Variants in STRA6 observed in about 807,000 individuals in gnomAD.
STRA6 encodes signaling receptor and transporter of retinol STRA6.
A neutral mutation model predicts 83.6 loss-of-function variants in STRA6; 48 were observed. That is an observed-to-expected ratio of 0.57 (90% CI 0.46 to 0.73). The LOEUF is 0.73. Among genes scored for constraint, STRA6 ranks in the 30% least tolerant of loss-of-function variants. STRA6 has a pLI of 0.00. For missense variants in STRA6, 760 were observed against 838.8 expected (o/e 0.91, Z 1.16); for synonymous variants, 353 against 362.3 (o/e 0.97, Z 0.29).
chr15:74,189,526 C>T (rs919823502), intron 11 of STRA6, among the ~76,000 whole-genome samples: 3 of 152,166 alleles, frequency 2.0e-5, no homozygotes, highest in Non-Finnish European at 2.9e-5. Context: ...GTCAGCCCTG[C>T]GTATCTGTGG....
At chr15:74,209,961 A>G (rs2074345409), upstream of STRA6, among the ~76,000 whole-genome samples, 2 of 152,184 alleles carry the variant, frequency 1.3e-5, no homozygotes, top group South Asian at 4.1e-4. Context: ...AGGCTTTTGT[A>G]TGTGAGATTG....
chr15:74,187,225 C>T (rs2073298664), intron 12 of STRA6, among the ~76,000 whole-genome samples: 2 of 152,238 alleles, frequency 1.3e-5, no homozygotes, highest in South Asian at 4.1e-4. Context: ...ATCCATCTAC[C>T]TCCTACCTCT....
At chr15:74,189,019 GC>G in intron 12 of STRA6, 95 bp downstream of exon 12, 2 of 1,439,858 alleles carry the variant, frequency 1.4e-6, no homozygotes, top group Non-Finnish European at 9.6e-7. Context: ...GTGTCCAAGG[GC>G]CCCCAGTGTG....
intron 4 of STRA6, among the ~76,000 whole-genome samples, chr15:74,196,820 T>C (rs566741581): frequency 6.6e-6 from 1 of 152,294 alleles, no homozygotes; most frequent in South Asian, 2.1e-4. Flanking sequence ...CCCAACCCTT[T>C]GGTCTCTCGC....
intron 1 of STRA6, 188 bp downstream of exon 1, chr15:74,202,523 ACT>A: frequency 3.3e-6 from 5 of 1,523,622 alleles, no homozygotes; most frequent in Non-Finnish European, 4.4e-6. Flanking sequence ...CGCCCATCGC[ACT>A]GGTCCTGCAG....
chr15:74,190,785 G>A, intron 11 of STRA6, 55 bp downstream of exon 11: 1 of 1,613,006 alleles, frequency 6.2e-7, no homozygotes, highest in Non-Finnish European at 8.5e-7. Context: ...CTCCAGGCTT[G>A]GGGGTTGAGG....
At position 74,197,641 on chromosome 15, in the gene STRA6, C is replaced by G. The variant is rs571848789; in HGVS notation, c.180+111G>C. The stretch of plus-strand genomic sequence containing the variant: ...TGGGAGAACTCCCAGATAGCTCCCC[C>G]CACCCAGGATCTTCCAGGGCCCCCC... On this transcript the variant is annotated intron_variant, in intron 3 of 18. Transcript: ENST00000395105. 14 of 1,424,180 alleles carry G rather than the reference C, an allele frequency of 9.8e-6. No homozygotes were observed. In the South Asian group the frequency reaches 1.6e-4, roughly 16 times the overall value. The allele number at this position is 1,424,180 out of a possible 1,614,324, so 88.2% of individuals were successfully genotyped here.
At chr15:74,185,882 C>G (rs1211862972) in intron 12 of STRA6, among the ~76,000 whole-genome samples, 4 of 152,256 alleles carry the variant, frequency 2.6e-5, no homozygotes, top group African/African-American at 9.6e-5. Flanking sequence ...CATTTCTAAG[C>G]AGATCCAGAA....
chr15:74,196,571 C>A (rs1021885908), intron 4 of STRA6, among the ~76,000 whole-genome samples: 15 of 152,226 alleles, frequency 9.9e-5, no homozygotes, highest in African/African-American at 3.4e-4. Context: ...CCAGGCATCA[C>A]CCTTCTGGGC....
upstream of STRA6, among the ~76,000 whole-genome samples, chr15:74,203,430 C>A (rs1465882488): frequency 1.3e-5 from 2 of 152,180 alleles, no homozygotes; most frequent in Admixed American, 1.3e-4. Flanking sequence ...CTGCCCCAGC[C>A]TGGAGGAAGG....
chr15:74,194,026 C>A (rs755105165), intron 7 of STRA6, 104 bp from the exon 8 acceptor site: 17 of 1,558,386 alleles, frequency 1.1e-5, no homozygotes, highest in Non-Finnish European at 1.4e-5. Flanking sequence ...TGAGGGTGGT[C>A]TGGGGGGCCA....
chr15:74,180,367 C>T, intron 18 of STRA6, 124 bp from the exon 19 acceptor site: 4 of 1,231,370 alleles, frequency 3.2e-6, no homozygotes, highest in East Asian at 2.4e-5. Context: ...TTAGGATGTC[C>T]CCTGCAGGCA....
chr15:74,197,642 C>CA, intron 3 of STRA6, 110 bp downstream of exon 3: 1 of 1,425,398 alleles, frequency 7.0e-7, no homozygotes, highest in Non-Finnish European at 9.6e-7. Flanking sequence ...TAGCTCCCCC[C>CA]ACCCAGGATC....
chr15:74,180,799 G>A lies in STRA6; in HGVS notation c.1823C>T (p.Pro608Leu), dbSNP rs2072939731. Reference protein sequence around the residue: ...TMAAPQDSLRPGEEDEGMQLL... With the variant: ...TMAAPQDSLRLGEEDEGMQLL... ...GGGCGCACCTTCGTCTTCCTCCCCTGGTCTGAGGCTGTCCTGGGGGGCTGC... is the reference window on the plus strand; with the variant it reads ...GGGCGCACCTTCGTCTTCCTCCCCTAGTCTGAGGCTGTCCTGGGGGGCTGC... The change falls in exon 18 of 19, where the codon CCA becomes CTA. Residue 608 changes from proline to leucine, a missense_variant. Transcript: ENST00000395105. The A allele has an allele frequency of 1.9e-6, 3 of 1,611,032 alleles. No individual in the cohort carries two copies. The highest frequency in any genetic ancestry group is 2.2e-5 in the South Asian group (2 of 91,016).
At chr15:74,189,802 T>G (rs2073443509) in intron 11 of STRA6, among the ~76,000 whole-genome samples, 1 of 152,000 alleles carries the variant, frequency 6.6e-6, no homozygotes, top group Non-Finnish European at 1.5e-5. Context: ...TAGCTGGGAC[T>G]ACAGGCCCGC....
chr15:74,198,625 C>T (rs897363734), intron 2 of STRA6, among the ~76,000 whole-genome samples: 14 of 152,220 alleles, frequency 9.2e-5, no homozygotes, highest in Admixed American at 8.5e-4. Flanking sequence ...CTCCCCTGGT[C>T]CCTCTCTTTT....
chr15:74,202,976 C>G (rs1007263007), upstream of STRA6: 69 of 986,342 alleles, frequency 7.0e-5, no homozygotes, highest in Non-Finnish European at 8.2e-5. Flanking sequence ...GCCACCCCCA[C>G]CCCCGCACCT....
chr15:74,188,298 C>G lies in STRA6; in HGVS notation c.1090+817G>C, dbSNP rs1041374198. ...CCACCTGCAACGCTGGCAGCCCACG[C>G]TCTGACCACATGTTACTCCTCAGAA... On this transcript the variant is annotated intron_variant, in intron 12 of 18. Transcript: ENST00000395105. The surrounding 1 kb of genome is among the most constrained non-coding windows in gnomAD (Gnocchi z 4.5). Among the ~76,000 whole-genome samples the G allele has an allele frequency of 2.6e-5, 4 of 152,256 alleles. No homozygotes were observed. The highest frequency in any genetic ancestry group is 9.6e-5 in the African/African-American group (4 of 41,480).
upstream of STRA6, chr15:74,209,763 C>G (rs2074342426): frequency 3.3e-6 from 1 of 307,196 alleles, no homozygotes; most frequent in Non-Finnish European, 6.0e-6. Flanking sequence ...GGGATGCAGA[C>G]AAGACTGGGG....
Sources: allele counts gnomAD v4.1 joint callset (sites outside exome capture counted in the v4.1 genomes callset), GRCh38; gene constraint gnomAD v4.1.1; non-coding constraint Gnocchi (gnomAD v3.1); transcripts MANE v1.5; gene names NCBI Gene and HGNC (gene_info 2026-07-23, HGNC 2026-07-21).